Variants in DDX60L observed in about 807,000 individuals in gnomAD.
DDX60L encodes probable ATP-dependent RNA helicase DDX60-like.
In DDX60L, 191 loss-of-function variants were observed where a neutral mutation model predicts 211.6. That is an observed-to-expected ratio of 0.90 (90% CI 0.80 to 1.02). The LOEUF (loss-of-function observed/expected upper bound fraction) is 1.02, where lower values mean the gene tolerates loss of function less well. Among genes scored for constraint, DDX60L ranks in the 50% least tolerant of loss-of-function variants. The pLI, the probability that DDX60L is intolerant of heterozygous loss-of-function variation, is 0.00. For synonymous variants in DDX60L, 706 were observed against 694.1 expected (o/e 1.02, Z -0.27); for missense variants, 2,007 against 1,984.1 (o/e 1.01, Z -0.22).
At chr4:168,408,761 C>A (rs540755997) in intron 22 of DDX60L, among the ~76,000 whole-genome samples, 1 of 152,130 alleles carries the variant, frequency 6.6e-6, no homozygotes, top group Non-Finnish European at 1.5e-5. Flanking sequence ...TGTTCTTTTA[C>A]GGCAGCATAA....
chr4:168,448,830 A>G (rs1755220268), intron 8 of DDX60L, 51 bp from the exon 9 acceptor site: 6 of 1,543,548 alleles, frequency 3.9e-6, no homozygotes, highest in Non-Finnish European at 5.3e-6. Context: ...GAATAATTTC[A>G]TACTCCTGGT....
chr4:168,431,354 T>C (rs1440439516), intron 12 of DDX60L, among the ~76,000 whole-genome samples: 1 of 152,146 alleles, frequency 6.6e-6, no homozygotes, highest in Non-Finnish European at 1.5e-5. Context: ...TCCGTGTCTG[T>C]GTATGTGATC....
intron 19 of DDX60L, among the ~76,000 whole-genome samples, chr4:168,417,833 G>C (rs982750201): frequency 1.3e-5 from 2 of 152,072 alleles, no homozygotes; most frequent in East Asian, 3.9e-4. Flanking sequence ...CGTGACAATT[G>C]GGTCTCAGCT....
chr4:168,367,811 G>T (rs915072536), intron 36 of DDX60L, among the ~76,000 whole-genome samples: 1 of 152,186 alleles, frequency 6.6e-6, no homozygotes, highest in Non-Finnish European at 1.5e-5. Context: ...GGTAGCTCTT[G>T]TATGTTTTAG....
intron 8 of DDX60L, among the ~76,000 whole-genome samples, chr4:168,452,680 A>G (rs1021475713): frequency 2.6e-5 from 4 of 152,156 alleles, no homozygotes; most frequent in Admixed American, 2.6e-4. Context: ...CTAAAATAAA[A>G]AATGAAAGAA....
chr4:168,358,215 A>G lies in DDX60L; in HGVS notation c.5053T>C (p.Leu1685=). 6.2e-7 allele frequency: 1 copy of G among 1,606,338 alleles called. No individual in the cohort carries two copies. Among genetic ancestry groups the G allele is most frequent in the Non-Finnish European group, 8.5e-7 (1 of 1,175,262 alleles). The change falls in exon 38 of 38, where the codon TTG becomes CTG. Residue 1685 remains leucine, a synonymous_variant. Coordinates refer to ENST00000682922, the MANE Select transcript of DDX60L (RefSeq NM_001012967.3). ...AGTTTCTCATAAAAGGTTTGACTCA[A>G]TTGTTTAAATGCCAGGACTACATTG... The part of the protein sequence containing the change: ...RDNVVLAFKQ[L]SQTFYEKLQE...
At chr4:168,397,718 G>T (rs1293414166) in intron 26 of DDX60L, among the ~76,000 whole-genome samples, 1 of 152,244 alleles carries the variant, frequency 6.6e-6, no homozygotes, top group Non-Finnish European at 1.5e-5. Flanking sequence ...TAGAACTGAT[G>T]GCAGCAGTGG....
At chr4:168,431,554 C>G (rs374927055) in intron 12 of DDX60L, among the ~76,000 whole-genome samples, 1,048 of 84,706 alleles carry the variant, frequency 0.012, 3 homozygotes, top group Middle Eastern at 0.022. Flanking sequence ...GACTGTTGTG[C>G]GGTGGGGGGT....
At chr4:168,443,479 C>G (rs1754265322) in intron 9 of DDX60L, among the ~76,000 whole-genome samples, 1 of 151,736 alleles carries the variant, frequency 6.6e-6, no homozygotes, top group Admixed American at 6.5e-5. Context: ...GAGAACTTCT[C>G]CAATCTAGCA....
intron 9 of DDX60L, among the ~76,000 whole-genome samples, chr4:168,445,940 ACTGGAAG>A (rs1335464281): frequency 8.0e-6 from 1 of 124,564 alleles, no homozygotes; most frequent in African/African-American, 2.9e-5. Context: ...ATGGGCAAAA[ACTGGAAG>A]CATTCCCTTT....
chr4:168,392,932 T>C (rs1560975748), intron 28 of DDX60L, among the ~76,000 whole-genome samples: 1 of 152,154 alleles, frequency 6.6e-6, no homozygotes, highest in Admixed American at 6.5e-5. Context: ...CATTCATTTA[T>C]ATATTCATTC....
chr4:168,400,921 CT>C lies in DDX60L; in HGVS notation c.3395del (p.Lys1132ArgfsTer19). The C allele has an allele frequency of 6.2e-7, 1 of 1,613,818 alleles. No homozygotes were observed. The highest frequency in any genetic ancestry group is 2.2e-5 in the East Asian group (1 of 44,866). ...RAGSVCTFLEKTETKSHPHTE... is the reference protein window; with the variant it reads ...RAGSVCTFLEXTETKSHPHTE... ...TGTGGGGATGGCTTTTTGTCTCTGT[CT>C]TCTCCAGAAAAGTGCACACACTTCC... is the stretch of plus-strand genomic sequence containing the variant. On this transcript the variant is annotated frameshift_variant, in exon 26 of 38. Transcript: ENST00000682922. LOFTEE classifies it high-confidence loss of function.
intron 1 of DDX60L, among the ~76,000 whole-genome samples, chr4:168,477,968 C>G (rs984698770): frequency 1.3e-5 from 2 of 152,100 alleles, no homozygotes; most frequent in African/African-American, 4.8e-5. Context: ...CGCCTCATAC[C>G]TATAATCCCA....
intron 30 of DDX60L, among the ~76,000 whole-genome samples, chr4:168,383,145 T>C (rs1471990420): frequency 6.6e-6 from 1 of 152,214 alleles, no homozygotes; most frequent in Non-Finnish European, 1.5e-5. Flanking sequence ...CTATATTGCT[T>C]TTCACACATT....
intron 36 of DDX60L, among the ~76,000 whole-genome samples, chr4:168,368,325 G>T (rs973840828): frequency 6.6e-6 from 1 of 152,318 alleles, no homozygotes; most frequent in Admixed American, 6.5e-5. Context: ...GGCTCCAAAG[G>T]GTGCAAGCCC....
chr4:168,394,716 A>G (rs17612144), intron 27 of DDX60L, 99 bp from the exon 28 acceptor site: 47,564 of 1,116,186 alleles, frequency 0.043, 1,201 homozygotes, highest in Middle Eastern at 0.084. Context: ...AATCACTTAC[A>G]TCTTGCACAC....
At position 168,421,827 on chromosome 4, in the gene DDX60L, T is replaced by C. The variant is rs777382550; in HGVS notation, c.2327A>G (p.Tyr776Cys). 10 of 1,614,188 alleles carry C rather than the reference T, an allele frequency of 6.2e-6. No homozygotes were observed. In the Admixed American group the frequency reaches 1.2e-4, roughly 19 times the overall value. The part of the protein sequence containing the change: ...PTSSGKTYAS[Y>C]YCMEKVLRES... The stretch of plus-strand genomic sequence containing the variant: ...CCTCAGCACTTTCTCCATGCAGTAG[T>C]AGGAAGCATAGGTTTTGCCTGAGGA... The change falls in exon 17 of 38, where the codon TAC becomes TGC. Residue 776 changes from tyrosine to cysteine, a missense_variant. Physicochemically the swap from Tyr to Cys is radical, Grantham distance 194. Coordinates refer to ENST00000682922, the MANE Select transcript of DDX60L (RefSeq NM_001012967.3).
intron 1 of DDX60L, among the ~76,000 whole-genome samples, chr4:168,473,629 G>A (rs1439329544): frequency 1.3e-5 from 2 of 152,166 alleles, no homozygotes; most frequent in Non-Finnish European, 2.9e-5. Context: ...AAGTTTCTGG[G>A]CTAGAAATAG....
intron 29 of DDX60L, chr4:168,390,154 G>A: frequency 1.0e-6 from 1 of 990,430 alleles, no homozygotes; most frequent in Non-Finnish European, 1.2e-6. Context: ...AGTCATCAGG[G>A]CAGGATAACA....
Sources: gnomAD v4.1 joint callset for allele counts (sites outside exome capture counted in the v4.1 genomes callset) on GRCh38, gnomAD v4.1.1 for gene constraint, MANE v1.5 for transcripts, NCBI Gene and HGNC (gene_info 2026-07-23, HGNC 2026-07-21) for gene names.